The following MAU2 variants were observed in gnomAD, a reference collection of about 807,000 sequenced individuals.
The protein encoded by MAU2 is MAU2 chromatid cohesion factor homolog.
A neutral mutation model predicts 89.1 loss-of-function variants in MAU2; 9 were observed. The ratio of observed to expected loss-of-function variants is 0.10; its 90% CI spans 0.06 to 0.18. MAU2 has a LOEUF of 0.18. MAU2 is among the 10% of genes least tolerant of loss of function. The pLI is 1.00. For synonymous variants in MAU2, 357 were observed against 343.4 expected (o/e 1.04, Z -0.44); for missense variants, 425 against 803.5 (o/e 0.53, Z 5.69).
Position 19,356,427 on chromosome 19 carries a change from C to T in MAU2, c.*645C>T, listed in dbSNP as rs563982896. On this transcript the variant is annotated 3_prime_UTR_variant, in exon 19 of 19. Coordinates refer to ENST00000262815, the MANE Select transcript of MAU2 (RefSeq NM_015329.4). The stretch of plus-strand genomic sequence containing the variant: ...TGCACCTTGACCGGACTCGCCATCC[C>T]GCCGTGGGGGTGCAGGTGATTGTAA... 5.0e-5 allele frequency: 13 copies of T among 260,938 alleles called. No individual in the cohort carries two copies. Among genetic ancestry groups the T allele is most frequent in the Middle Eastern group, 1.5e-3 (1 of 678 alleles). 16.2% of individuals were successfully genotyped at this position (260,938 alleles called of 1,614,324 possible). A position where few individuals can be genotyped will look rare whatever the true frequency, so the allele number is the denominator to read the frequency against.
intron 6 of MAU2, 78 bp downstream of exon 6, chr19:19,340,951 C>A: frequency 6.3e-7 from 1 of 1,575,840 alleles, no homozygotes; most frequent in Non-Finnish European, 8.7e-7. Context: ...TCTGCTCAGA[C>A]CCCACCCACT....
rs2048193770 is a variant in MAU2 at position 19,357,544 on chromosome 19, T to TCACCAC, written c.*1763_*1768dup. On this transcript the variant is annotated 3_prime_UTR_variant, in exon 19 of 19. Transcript: ENST00000262815. ...GTCCGACCCCTGCACACCACTCATGTCACCACGGCGTGCATCATGTTCATC... is the reference window on the plus strand; with the variant it reads ...GTCCGACCCCTGCACACCACTCATGTCACCACCACCACGGCGTGCATCATGTTCATC... The TCACCAC allele has an allele frequency of 6.5e-6, 1 of 152,978 alleles. No individual in the cohort carries two copies. The highest frequency in any genetic ancestry group is 1.5e-5 in the Non-Finnish European group (1 of 68,082). 9.5% of individuals were successfully genotyped at this position (152,978 alleles called of 1,614,324 possible).
intron 17 of MAU2, 27 bp downstream of exon 17, chr19:19,354,472 C>T: frequency 6.3e-7 from 1 of 1,591,356 alleles, no homozygotes; most frequent in Non-Finnish European, 8.6e-7. Flanking sequence ...CCCCTCTTCC[C>T]CAGCCCCAGC....
intron 3 of MAU2, 92 bp from the exon 4 acceptor site, chr19:19,337,078 C>G (rs1470701606): frequency 1.1e-6 from 1 of 941,670 alleles, no homozygotes; most frequent in African/African-American, 1.6e-5. Context: ...GAACTGCCTT[C>G]TGGCACCACA....
rs1224208099 is a variant in MAU2 at position 19,344,023 on chromosome 19, A to C, written c.1077+83A>C. ...GTCAGACAAGAGACTGAATTCGCCAAGTGCATACTGGCAGGCCAGCCCATC... is the reference window on the plus strand; with the variant it reads ...GTCAGACAAGAGACTGAATTCGCCACGTGCATACTGGCAGGCCAGCCCATC... On this transcript the variant is annotated intron_variant, in intron 10 of 18. Transcript: ENST00000262815. 4 of 1,102,226 alleles carry C rather than the reference A, an allele frequency of 3.6e-6. No individual in the cohort carries two copies. In the South Asian group the frequency reaches 5.1e-5, roughly 14 times the overall value. The allele number at this position is 1,102,226 out of a possible 1,614,324, so 68.3% of individuals were successfully genotyped here. A position where few individuals can be genotyped will look rare whatever the true frequency, so the allele number is the denominator to read the frequency against.
intron 1 of MAU2, chr19:19,334,250 G>A (rs548657113): frequency 1.1e-4 from 104 of 985,516 alleles, no homozygotes; most frequent in Non-Finnish European, 1.2e-4. Flanking sequence ...TGAGGACCCC[G>A]AGCCCCTCCT....
Position 19,345,021 on chromosome 19 carries a change from CCT to C in MAU2, c.1155+96_1155+97del. ...CCAGAACATTCCCAGTGAAGGACCC[CCT>C]GACAGCACCCTAATCAGAATCCGGA... On this transcript the variant is annotated intron_variant, in intron 11 of 18. Transcript: ENST00000262815. This position sits in a 1 kb window ranked among gnomAD's most constrained non-coding sequence, Gnocchi z 4.9. 1 of 1,088,372 alleles carries C rather than the reference CCT, an allele frequency of 9.2e-7. No homozygotes were observed. The highest frequency in any genetic ancestry group is 1.3e-5 in the South Asian group (1 of 76,522). The allele number at this position is 1,088,372 out of a possible 1,614,324, so 67.4% of individuals were successfully genotyped here.
chr19:19,323,583 T>G (rs141324394), intron 1 of MAU2, among the ~76,000 whole-genome samples: 45 of 152,298 alleles, frequency 3.0e-4, no homozygotes, highest in African/African-American at 1.0e-3. Flanking sequence ...CTCAGCTCAC[T>G]GCAGCCTTGA....
In MAU2 at chr19:19,349,103, A is replaced by G. The variant is rs1160536310; in HGVS notation, c.1359-52A>G. ...CCCCAGCTGCCCACTGCCGTTTTGT[A>G]AACCTGCTTCTCAAAATCACCACCC... On this transcript the variant is annotated intron_variant, in intron 14 of 18. Transcript: ENST00000262815. The G allele has an allele frequency of 1.9e-6, 3 of 1,606,630 alleles. No individual in the cohort carries two copies. In the African/African-American group the frequency reaches 4.0e-5, roughly 21 times the overall value.
chr19:19,354,647 G>A (rs2048156956), intron 17 of MAU2: 1 of 602,568 alleles, frequency 1.7e-6, no homozygotes, highest in Non-Finnish European at 3.0e-6. Flanking sequence ...CTTGACTCGG[G>A]GTCTGGTTCA....
chr19:19,328,497 C>T (rs997595182), intron 1 of MAU2, among the ~76,000 whole-genome samples: 12 of 151,762 alleles, frequency 7.9e-5, no homozygotes, highest in African/African-American at 2.9e-4. Flanking sequence ...TCTCGGCTCC[C>T]TGCAAGCTCC....
At chr19:19,328,297 C>T (rs2061527983) in intron 1 of MAU2, among the ~76,000 whole-genome samples, 1 of 152,042 alleles carries the variant, frequency 6.6e-6, no homozygotes, top group Non-Finnish European at 1.5e-5. Flanking sequence ...CTTCTCCTCT[C>T]TTCCAGGCCC....
chr19:19,334,458 G>A, intron 1 of MAU2: 1 of 985,736 alleles, frequency 1.0e-6, no homozygotes, highest in Non-Finnish European at 1.2e-6. Flanking sequence ...GACATTCCCA[G>A]CTGCTGCTCA....
Position 19,345,279 on chromosome 19 carries a change from T to A in MAU2, c.1156-25T>A. On this transcript the variant is annotated intron_variant, in intron 11 of 18. Transcript: ENST00000262815. The surrounding 1 kb of genome is among the most constrained non-coding windows in gnomAD (Gnocchi z 4.9). ...GAGCCCCCTCCCCAGGGGCCGGCCCTGATGACAACACCACCTTCTTCCAGG... is the reference window on the plus strand; with the variant it reads ...GAGCCCCCTCCCCAGGGGCCGGCCCAGATGACAACACCACCTTCTTCCAGG... 1 of 1,610,784 alleles carries A rather than the reference T, an allele frequency of 6.2e-7. No individual in the cohort carries two copies. The highest frequency in any genetic ancestry group is 8.5e-7 in the Non-Finnish European group (1 of 1,177,318).
In MAU2 at chr19:19,342,883, G is replaced by C; in HGVS notation, c.973+17G>C. 1 of 1,612,874 alleles carries C rather than the reference G, an allele frequency of 6.2e-7. No homozygotes were observed. The highest frequency in any genetic ancestry group is 8.5e-7 in the Non-Finnish European group (1 of 1,179,712). ...AGCTCAAGAGTAAGTCAGGTGCTCG[G>C]CTGGCCACATGGCCACAGCGACCCC... On this transcript the variant is annotated intron_variant, in intron 9 of 18. Transcript: ENST00000262815.
intron 1 of MAU2, among the ~76,000 whole-genome samples, chr19:19,323,203 C>CT (rs908220669): frequency 4.5e-4 from 66 of 146,070 alleles, no homozygotes; most frequent in Middle Eastern, 3.4e-3. Flanking sequence ...AATTTTTTTT[C>CT]TTTTTTTTTT....
chr19:19,332,086 C>T (rs1046685653), intron 1 of MAU2, among the ~76,000 whole-genome samples: 1 of 152,236 alleles, frequency 6.6e-6, no homozygotes, highest in Non-Finnish European at 1.5e-5. Flanking sequence ...GTTCGATCAG[C>T]AGATGTTTCC....
chr19:19,353,558 A>G (rs1357980627), intron 16 of MAU2: 2 of 152,158 alleles, frequency 1.3e-5, no homozygotes, highest in African/African-American at 2.4e-5. Flanking sequence ...GGTTTTGGGG[A>G]TGTGTCCATC....
intron 16 of MAU2, chr19:19,352,213 T>C (rs186358597): frequency 6.6e-6 from 1 of 151,842 alleles, no homozygotes; most frequent in African/African-American, 2.4e-5. Flanking sequence ...GCAATGAGTG[T>C]TTTGAAGCCA....
Sources: allele counts gnomAD v4.1 joint callset (sites outside exome capture counted in the v4.1 genomes callset), GRCh38; gene constraint gnomAD v4.1.1; non-coding constraint Gnocchi (gnomAD v3.1); transcripts MANE v1.5; gene names NCBI Gene and HGNC (gene_info 2026-07-23, HGNC 2026-07-21).